Variants in EPHA7 observed in about 807,000 individuals in gnomAD.
EPHA7 encodes ephrin type-A receptor 7.
Under a neutral mutation model 112.6 loss-of-function variants are expected in EPHA7, and 25 were observed. The ratio of observed to expected loss-of-function variants is 0.22; its 90% CI spans 0.16 to 0.31. The LOEUF (loss-of-function observed/expected upper bound fraction) is 0.31. EPHA7 is among the 10% of genes least tolerant of loss of function. The pLI is 1.00. For synonymous variants in EPHA7, 437 were observed against 406.5 expected (o/e 1.07, Z -0.90); for missense variants, 962 against 1,212.6 (o/e 0.79, Z 3.07).
chr6:93,390,596 T>C (rs933276107), intron 3 of EPHA7, among the ~76,000 whole-genome samples: 2 of 150,526 alleles, frequency 1.3e-5, no homozygotes, highest in East Asian at 3.9e-4. Flanking sequence ...TTTATACACA[T>C]ACAGGGCTGG....
At chr6:93,402,173 C>T (rs1301639611) in intron 3 of EPHA7, among the ~76,000 whole-genome samples, 2 of 151,968 alleles carry the variant, frequency 1.3e-5, no homozygotes, top group Non-Finnish European at 1.5e-5. Flanking sequence ...TATTTCCTTC[C>T]GTATTTCCTT....
rs979407382 is a variant in EPHA7, at chr6:93,274,816, C to A, written c.1325-2394G>T. Among the ~76,000 whole-genome samples the A allele has an allele frequency of 3.9e-5, 6 of 151,962 alleles. No individual in the cohort carries two copies. In the South Asian group the frequency reaches 1.2e-3, roughly 32 times the overall value. On this transcript the variant is annotated intron_variant, in intron 5 of 16. Coordinates refer to ENST00000369303, the MANE Select transcript of EPHA7 (RefSeq NM_004440.4). ...ACGTGATTATATTTTCCCTGAGCTT[C>A]AGTATCTTAGGTATAAAGGATACAC...
intron 5 of EPHA7, among the ~76,000 whole-genome samples, chr6:93,293,167 A>G (rs558558121): frequency 6.7e-6 from 1 of 150,106 alleles, no homozygotes; most frequent in East Asian, 1.9e-4. Context: ...GACTATGTAA[A>G]CCCATATATA....
intron 3 of EPHA7, among the ~76,000 whole-genome samples, chr6:93,409,431 AT>A (rs1441444739): frequency 6.6e-6 from 1 of 152,022 alleles, no homozygotes; most frequent in Non-Finnish European, 1.5e-5. Context: ...TACCTACCTC[AT>A]TAAATAAGCT....
At chr6:93,256,995 A>AATTATTTG (rs1229901190) in intron 12 of EPHA7, among the ~76,000 whole-genome samples, 19 of 152,244 alleles carry the variant, frequency 1.2e-4, no homozygotes, top group African/African-American at 4.3e-4. Flanking sequence ...AATAAACCAC[A>AATTATTTG]TACCATTAAT....
In EPHA7 at chr6:93,243,507, A is replaced by C; in HGVS notation, c.2916T>G (p.Gly972=). The change falls in exon 17 of 17, where the codon GGT becomes GGG. Residue 972 remains glycine (G), a synonymous_variant. Coordinates refer to ENST00000369303, the MANE Select transcript of EPHA7 (RefSeq NM_004440.4). ...DVMSLGITLV[G]HQKKIMSSIQ... is the part of the protein sequence containing the mutation. ...TGCTGCTCATGATTTTCTTTTGATGACCAACCAGTGTGATCCCTAAACTCA... is the reference window on the plus strand; with the variant it reads ...TGCTGCTCATGATTTTCTTTTGATGCCCAACCAGTGTGATCCCTAAACTCA... 6.2e-7 allele frequency: 1 copy of C among 1,613,554 alleles called. No homozygotes were observed.
intron 13 of EPHA7, 89 bp from the exon 14 acceptor site, chr6:93,254,885 G>C: frequency 1.8e-6 from 2 of 1,112,806 alleles, no homozygotes; most frequent in South Asian, 1.9e-5. Context: ...GTGCATTTTT[G>C]GTTGGTAGTT....
At chr6:93,266,479 A>G (rs1770944714) in intron 7 of EPHA7, among the ~76,000 whole-genome samples, 1 of 151,682 alleles carries the variant, frequency 6.6e-6, no homozygotes, top group South Asian at 2.1e-4. Flanking sequence ...TAATCTTTCC[A>G]TAGTTGACAT....
intron 14 of EPHA7, among the ~76,000 whole-genome samples, chr6:93,253,656 T>C (rs926816340): frequency 1.3e-5 from 2 of 152,090 alleles, no homozygotes; most frequent in Non-Finnish European, 1.5e-5. Context: ...ACTACATCTC[T>C]GTTATAGAAA....
At chr6:93,262,416 G>A (rs897768421) in intron 9 of EPHA7, among the ~76,000 whole-genome samples, 4 of 148,938 alleles carry the variant, frequency 2.7e-5, no homozygotes. Context: ...GTCATATTCA[G>A]GGGTATATTA....
At chr6:93,283,069 C>A (rs1771848922) in intron 5 of EPHA7, among the ~76,000 whole-genome samples, 1 of 152,212 alleles carries the variant, frequency 6.6e-6, no homozygotes, top group Non-Finnish European at 1.5e-5. Context: ...AGCTGGGCTC[C>A]TGAGTCTAGT....
At chr6:93,261,206 T>C (rs1770675170) in intron 9 of EPHA7, among the ~76,000 whole-genome samples, 1 of 151,658 alleles carries the variant, frequency 6.6e-6, no homozygotes, top group South Asian at 2.1e-4. Flanking sequence ...TCCTCCATTG[T>C]GTTTATATCT....
intron 5 of EPHA7, among the ~76,000 whole-genome samples, chr6:93,326,127 G>A (rs891407853): frequency 1.3e-5 from 2 of 151,280 alleles, no homozygotes; most frequent in African/African-American, 2.4e-5. Context: ...TCATAAGAAC[G>A]CTAAAGAATT....
Position 93,410,288 on chromosome 6 carries a change from A to T in EPHA7, c.832+213T>A. The T allele has an allele frequency of 1.8e-6, 1 of 550,148 alleles. No individual in the cohort carries two copies. Among genetic ancestry groups the T allele is most frequent in the South Asian group, 2.5e-5 (1 of 39,230 alleles). The allele number at this position is 550,148 out of a possible 1,614,324, so 34.1% of individuals were successfully genotyped here. A position where few individuals can be genotyped will look rare whatever the true frequency, so the allele number is the denominator to read the frequency against. ...TAGGACACATTAAATTTTAGTAACA[A>T]ATTTCATTATCACCTATATTGATTA... On this transcript the variant is annotated intron_variant, in intron 3 of 16. Transcript: ENST00000369303. This position sits in a 1 kb window ranked among gnomAD's most constrained non-coding sequence, Gnocchi z 4.0.
chr6:93,257,430 AT>A, intron 12 of EPHA7, 31 bp downstream of exon 12: 1 of 1,532,034 alleles, frequency 6.5e-7, no homozygotes, highest in Non-Finnish European at 8.9e-7. Flanking sequence ...AGCATAGTAT[AT>A]TTAGAATAAG....
chr6:93,357,186 T>C (rs919021118), intron 4 of EPHA7, 134 bp from the exon 5 acceptor site: 6 of 664,370 alleles, frequency 9.0e-6, no homozygotes, highest in Non-Finnish European at 1.5e-5. Flanking sequence ...GTTGAAATGC[T>C]TTCTTTCACA....
rs1466810163 is a variant in EPHA7 at position 93,419,407 on chromosome 6, G to C, written c.-66C>G. On this transcript the variant is annotated 5_prime_UTR_variant, in exon 1 of 17. Transcript: ENST00000369303. Reference sequence around the variant, plus strand: ...AGTCGTGGATTTTTAAATGCTGTTTGTTCCGAAGTAGCTTTTGTTTTATTG... The same window carrying C: ...AGTCGTGGATTTTTAAATGCTGTTTCTTCCGAAGTAGCTTTTGTTTTATTG... The C allele has an allele frequency of 3.0e-6, 4 of 1,333,192 alleles. No individual in the cohort carries two copies. The highest frequency in any genetic ancestry group is 1.5e-5 in the African/African-American group (1 of 68,556). 82.6% of individuals were successfully genotyped at this position (1,333,192 alleles called of 1,614,324 possible). A position where few individuals can be genotyped will look rare whatever the true frequency, so the allele number is the denominator to read the frequency against.
chr6:93,325,841 G>T (rs533666264), intron 5 of EPHA7, among the ~76,000 whole-genome samples: 19 of 151,398 alleles, frequency 1.3e-4, no homozygotes, highest in African/African-American at 4.6e-4. Flanking sequence ...AAGAAAACTT[G>T]CTTAATTCAA....
intron 5 of EPHA7, among the ~76,000 whole-genome samples, chr6:93,355,965 G>A (rs2450423): frequency 0.43 from 65,408 of 151,946 alleles, 15,383 homozygotes; most frequent in African/African-American, 0.61. Flanking sequence ...GACTCGTCAT[G>A]TATTACAAAG....
Sources: allele counts gnomAD v4.1 joint callset (sites outside exome capture counted in the v4.1 genomes callset), GRCh38; gene constraint gnomAD v4.1.1; non-coding constraint Gnocchi (gnomAD v3.1); transcripts MANE v1.5; gene names NCBI Gene and HGNC (gene_info 2026-07-23, HGNC 2026-07-21).